SNX7: variants seen among roughly 807,000 people sequenced by gnomAD.
The protein encoded by SNX7 is sorting nexin 7.
Under a neutral mutation model 48.4 loss-of-function variants are expected in SNX7, and 35 were observed. The ratio of observed to expected loss-of-function variants is 0.72; its 90% CI spans 0.55 to 0.96. SNX7 has a LOEUF of 0.96. Among genes scored for constraint, SNX7 ranks in the 40% least tolerant of loss-of-function variants. SNX7 has a pLI of 0.00. For missense variants in SNX7, 553 were observed against 548.9 expected, an observed-to-expected ratio of 1.01 and a Z score of -0.07; for synonymous variants, 190 against 190.2, an observed-to-expected ratio of 1.00 and a Z score of 0.01.
At chr1:98,739,075 G>A (rs537059625) in intron 8 of SNX7, among the ~76,000 whole-genome samples, 1 of 152,202 alleles carries the variant, frequency 6.6e-6, no homozygotes, top group Non-Finnish European at 1.5e-5. Flanking sequence ...TCCTAGGTGG[G>A]GGGCGGGGTT....
intron 8 of SNX7, among the ~76,000 whole-genome samples, chr1:98,742,818 A>G (rs1206989682): frequency 6.6e-6 from 1 of 151,950 alleles, no homozygotes; most frequent in Admixed American, 6.6e-5. Context: ...GGTCTTTGGA[A>G]TGTGTCAGCA....
intron 8 of SNX7, among the ~76,000 whole-genome samples, chr1:98,739,697 G>A (rs1653976349): frequency 6.6e-6 from 1 of 152,114 alleles, no homozygotes; most frequent in Non-Finnish European, 1.5e-5. Flanking sequence ...AGATAAGAGT[G>A]TGAGAAATGG....
chr1:98,708,858 A>G (rs1480052484), intron 7 of SNX7, among the ~76,000 whole-genome samples: 1 of 152,188 alleles, frequency 6.6e-6, no homozygotes, highest in Non-Finnish European at 1.5e-5. Context: ...CCTTATGAAT[A>G]GGAGTCTGTT....
At chr1:98,661,649 A>G (rs12723363), upstream of SNX7, 1,079,284 of 1,129,340 alleles carry the variant, frequency 0.96, 518,517 homozygotes, top group Non-Finnish European at 0.98. Context: ...GGGGAGGTGC[A>G]GGAGACGTGG....
At chr1:98,663,082 A>C (rs1029319791) in intron 1 of SNX7, among the ~76,000 whole-genome samples, 3 of 152,134 alleles carry the variant, frequency 2.0e-5, no homozygotes, top group Non-Finnish European at 4.4e-5. Flanking sequence ...TATTCCACAC[A>C]TACTTCATGT....
In SNX7 at chr1:98,663,252, G is replaced by GTTTTTTTTTTTT. The variant is rs1491348958; in HGVS notation, c.180+1341_180+1342insTTTTTTTTTTTT. 2.9e-4 allele frequency among the ~76,000 whole-genome samples: 24 copies of GTTTTTTTTTTTT among 83,158 alleles called. 9 individuals carry two copies. The highest frequency in any genetic ancestry group is 8.2e-4 in the South Asian group (2 of 2,448). 54.6% of individuals were successfully genotyped at this position (83,158 alleles called of 152,430 possible). ...ATCAGAATCATCAGGGTTTCTTTCT[G>GTTTTTTTTTTTT]GTTTTTTTTTTTTTTTTTTTTTTTT... is the stretch of plus-strand genomic sequence containing the variant. On this transcript the variant is annotated intron_variant, in intron 1 of 8. Coordinates refer to ENST00000306121, the MANE Select transcript of SNX7 (RefSeq NM_015976.5).
chr1:98,700,612 A>G (rs1651695096), intron 6 of SNX7, among the ~76,000 whole-genome samples: 1 of 151,516 alleles, frequency 6.6e-6, no homozygotes, highest in Non-Finnish European at 1.5e-5. Context: ...AGGCATAATC[A>G]TAGCTCACTA....
chr1:98,734,434 G>A (rs569130026), intron 7 of SNX7, among the ~76,000 whole-genome samples: 2 of 152,262 alleles, frequency 1.3e-5, no homozygotes, highest in Non-Finnish European at 2.9e-5. Flanking sequence ...TATGAATAGA[G>A]CATGTGTCTT....
intron 1 of SNX7, among the ~76,000 whole-genome samples, chr1:98,663,406 G>A (rs1649375460): frequency 6.6e-6 from 1 of 151,414 alleles, no homozygotes; most frequent in Admixed American, 6.6e-5. Flanking sequence ...TTGTCAAGTG[G>A]TTTCTCTTTC....
chr1:98,682,078 T>A (rs1419675127), intron 1 of SNX7, among the ~76,000 whole-genome samples: 1 of 82,164 alleles, frequency 1.2e-5, no homozygotes, highest in African/African-American at 3.8e-5. Context: ...TTTCTTTTCT[T>A]CCTTTTTTTG....
intron 8 of SNX7, among the ~76,000 whole-genome samples, chr1:98,744,730 C>T: frequency 6.6e-6 from 1 of 151,950 alleles, no homozygotes; most frequent in Non-Finnish European, 1.5e-5. Context: ...AAATCCAATA[C>T]ATTTGAAGAG....
At chr1:98,712,236 A>G (rs1225112796) in intron 7 of SNX7, among the ~76,000 whole-genome samples, 1 of 152,140 alleles carries the variant, frequency 6.6e-6, no homozygotes, top group Non-Finnish European at 1.5e-5. Flanking sequence ...TATATTTTTC[A>G]TGGAATCTAG....
intron 7 of SNX7, among the ~76,000 whole-genome samples, chr1:98,715,693 C>T (rs1195518486): frequency 6.6e-6 from 1 of 152,146 alleles, no homozygotes; most frequent in Non-Finnish European, 1.5e-5. Context: ...TTTTGATCAC[C>T]TCTTTGCTTC....
intron 1 of SNX7, among the ~76,000 whole-genome samples, chr1:98,672,007 T>C (rs1348296505): frequency 1.3e-5 from 2 of 152,210 alleles, no homozygotes; most frequent in South Asian, 2.1e-4. Flanking sequence ...ATTCTTGTTA[T>C]ATGAATCTTG....
chr1:98,754,465 G>C (rs1228678456), intron 8 of SNX7, among the ~76,000 whole-genome samples: 1 of 151,996 alleles, frequency 6.6e-6, no homozygotes, highest in African/African-American at 2.4e-5. Context: ...TCTGGGCCTA[G>C]AAATTTGTGT....
intron 3 of SNX7, 136 bp from the exon 4 acceptor site, chr1:98,691,399 T>A (rs1651116601): frequency 4.8e-6 from 4 of 829,248 alleles, no homozygotes; most frequent in Non-Finnish European, 7.0e-6. Context: ...GGTTCTAACA[T>A]TGTGAATTTT....
At chr1:98,686,575 CTATT>C (rs1650812511) in intron 2 of SNX7, among the ~76,000 whole-genome samples, 1 of 151,960 alleles carries the variant, frequency 6.6e-6, no homozygotes, top group Non-Finnish European at 1.5e-5. Context: ...AATAAGTAAA[CTATT>C]TATTTTGTTG....
intron 5 of SNX7, 70 bp from the exon 6 acceptor site, chr1:98,698,634 ACT>A (rs1651582273): frequency 7.5e-6 from 10 of 1,337,116 alleles, no homozygotes; most frequent in South Asian, 6.9e-5. Context: ...GCCCTTTCTT[ACT>A]CTCTAGGATA....
intron 8 of SNX7, among the ~76,000 whole-genome samples, chr1:98,739,194 ACT>A (rs1325389293): frequency 6.6e-6 from 1 of 151,764 alleles, no homozygotes; most frequent in African/African-American, 2.4e-5. Flanking sequence ...TAGCGTTCAC[ACT>A]CTTGTGAGAA....
Sources: gnomAD v4.1 joint callset for allele counts (sites outside exome capture counted in the v4.1 genomes callset) on GRCh38, gnomAD v4.1.1 for gene constraint, MANE v1.5 for transcripts, NCBI Gene and HGNC (gene_info 2026-07-23, HGNC 2026-07-21) for gene names.